The following FRMD3 variants were observed in gnomAD, a reference collection of about 807,000 sequenced individuals.
FRMD3 encodes FERM domain containing 3, also known as FERM domain-containing protein 3.
FRMD3 carries 33 observed loss-of-function variants against 70.2 expected under a neutral mutation model. The ratio of observed to expected loss-of-function variants is 0.47; its 90% CI spans 0.36 to 0.63. The LOEUF is 0.63. FRMD3 is among the 20% of genes least tolerant of loss of function. The pLI is 0.00. For missense variants in FRMD3, 632 were observed against 711.4 expected (o/e 0.89, Z 1.27); for synonymous variants, 279 against 255.9 (o/e 1.09, Z -0.86).
rs1355938072 is a variant in FRMD3, at chr9:83,390,554, TA to T, written c.148-847del. Among the ~76,000 whole-genome samples, 3 of 152,286 alleles carry T rather than the reference TA, an allele frequency of 2.0e-5. No homozygotes were observed. The East Asian group carries it at 5.8e-4, about 29-fold the overall frequency. ...AAACCCCTAGCTGTTTCTACTTCGG[TA>T]AAATAAGGTGGTTGGACTAGATTAT... On this transcript the variant is annotated intron_variant, in intron 1 of 13. Coordinates refer to ENST00000304195, the MANE Select transcript of FRMD3 (RefSeq NM_174938.6).
In FRMD3 at chr9:83,536,930, T is replaced by TAAAAAAAAAAAAAAAAAAAAA. The variant is rs142272516; in HGVS notation, c.147+1134_147+1154dup. Among the ~76,000 whole-genome samples, 53 of 60,886 alleles carry TAAAAAAAAAAAAAAAAAAAAA rather than the reference T, an allele frequency of 8.7e-4. 6 individuals are homozygous for TAAAAAAAAAAAAAAAAAAAAA. The highest frequency in any genetic ancestry group is 1.9e-3 in the South Asian group (3 of 1,544). The allele number at this position is 60,886 out of a possible 152,430, so 39.9% of individuals were successfully genotyped here. On this transcript the variant is annotated intron_variant, in intron 1 of 13. Coordinates refer to ENST00000304195, the MANE Select transcript of FRMD3 (RefSeq NM_174938.6). ...ATGGGTGGTGTGCCCTGTATTACAC[T>TAAAAAAAAAAAAAAAAAAAAA]AAAAAAAAAAAAAAAAAAAAAAAGC...
At chr9:83,531,807 T>C (rs1829797046) in intron 1 of FRMD3, among the ~76,000 whole-genome samples, 1 of 152,204 alleles carries the variant, frequency 6.6e-6, no homozygotes, top group Non-Finnish European at 1.5e-5. Flanking sequence ...TGGGTGATAT[T>C]TGAACATTTA....
At chr9:83,402,639 T>C (rs1401021911) in intron 1 of FRMD3, among the ~76,000 whole-genome samples, 1 of 152,130 alleles carries the variant, frequency 6.6e-6, no homozygotes, top group Non-Finnish European at 1.5e-5. Flanking sequence ...AAGGAGATTA[T>C]ATACATGCAG....
At chr9:83,287,780 T>C (rs1354404641) in intron 13 of FRMD3, among the ~76,000 whole-genome samples, 1 of 152,210 alleles carries the variant, frequency 6.6e-6, no homozygotes. Flanking sequence ...AAGGCACTGA[T>C]ATCCAGTAGG....
At chr9:83,393,658 G>A (rs138174950) in intron 1 of FRMD3, among the ~76,000 whole-genome samples, 150 of 152,166 alleles carry the variant, frequency 9.9e-4, no homozygotes, top group Non-Finnish European at 2.0e-3. Flanking sequence ...TAAGGAGTGT[G>A]CAGCCTAGAT....
intron 1 of FRMD3, among the ~76,000 whole-genome samples, chr9:83,452,491 G>GC (rs913782912): frequency 6.6e-6 from 1 of 151,576 alleles, no homozygotes; most frequent in Non-Finnish European, 1.5e-5. Flanking sequence ...TGTTGTTGTT[G>GC]TTTTTTTTGA....
chr9:83,416,567 C>T (rs1826447628), intron 1 of FRMD3, among the ~76,000 whole-genome samples: 1 of 152,184 alleles, frequency 6.6e-6, no homozygotes, highest in Non-Finnish European at 1.5e-5. Flanking sequence ...GGGCTTGGCA[C>T]CTAATAGGCT....
chr9:83,564,560 T>G, the FRMD3 span, among the ~76,000 whole-genome samples: 1 of 152,210 alleles, frequency 6.6e-6, no homozygotes, highest in African/African-American at 2.4e-5. Context: ...ATCAAAAAAC[T>G]GAGTCCGTTA....
chr9:83,317,044 T>A (rs892647562), intron 6 of FRMD3, among the ~76,000 whole-genome samples: 7 of 151,616 alleles, frequency 4.6e-5, no homozygotes, highest in South Asian at 2.1e-4. Context: ...TCTAAAAAAA[T>A]TTTTTTTTAA....
chr9:83,261,990 G>A (rs1281520444), intron 13 of FRMD3, among the ~76,000 whole-genome samples: 7 of 152,206 alleles, frequency 4.6e-5, no homozygotes, highest in South Asian at 2.1e-4. Flanking sequence ...CCTGACACTG[G>A]TAAGCACTCA....
intron 1 of FRMD3, among the ~76,000 whole-genome samples, chr9:83,488,445 C>G (rs1169223575): frequency 6.6e-6 from 1 of 152,114 alleles, no homozygotes; most frequent in Non-Finnish European, 1.5e-5. Flanking sequence ...GAAAATTGAT[C>G]AACAGTGAAA....
At chr9:83,444,013 CTTTT>C (rs1400060251) in intron 1 of FRMD3, among the ~76,000 whole-genome samples, 15 of 152,196 alleles carry the variant, frequency 9.9e-5, no homozygotes, top group Admixed American at 2.0e-4. Flanking sequence ...AATTATATTT[CTTTT>C]ATTTTTGCTT....
intron 13 of FRMD3, among the ~76,000 whole-genome samples, chr9:83,251,053 T>A (rs1832392128): frequency 6.6e-6 from 1 of 152,204 alleles, no homozygotes; most frequent in African/African-American, 2.4e-5. Context: ...CCAGTCCTAC[T>A]GACTGAGTGG....
At chr9:83,340,813 A>G (rs1823730112) in intron 5 of FRMD3, among the ~76,000 whole-genome samples, 1 of 152,114 alleles carries the variant, frequency 6.6e-6, no homozygotes, top group Admixed American at 6.5e-5. Context: ...CCAGGCTAGT[A>G]TCAAACTCCT....
intron 3 of FRMD3, among the ~76,000 whole-genome samples, chr9:83,351,541 A>C (rs1386368828): frequency 1.3e-5 from 2 of 152,172 alleles, no homozygotes; most frequent in African/African-American, 4.8e-5. Flanking sequence ...AAAATACATC[A>C]TTCATCTTTA....
At position 83,275,144 on chromosome 9, in the gene FRMD3, G is replaced by A. The variant is rs78983075; in HGVS notation, c.1195+15459C>T. On this transcript the variant is annotated intron_variant, in intron 13 of 13. Coordinates refer to ENST00000304195, the MANE Select transcript of FRMD3 (RefSeq NM_174938.6). ...CCCTCCAGGTGGAGGTGTCCAATAA[G>A]CAGCTGAAAGCACAGAGCAGTAGCA... Among the ~76,000 whole-genome samples, 1,073 of 152,284 alleles carry A rather than the reference G, an allele frequency of 7.0e-3. 10 individuals carry two copies. Among genetic ancestry groups the A allele is most frequent in the African/African-American group, 0.025 (1,029 of 41,556 alleles).
chr9:83,429,101 G>A (rs943847010), intron 1 of FRMD3, among the ~76,000 whole-genome samples: 1 of 152,200 alleles, frequency 6.6e-6, no homozygotes, highest in Non-Finnish European at 1.5e-5. Flanking sequence ...TATAATTCAT[G>A]AGAATTAACG....
chr9:83,530,894 C>T (rs1829779302), intron 1 of FRMD3, among the ~76,000 whole-genome samples: 1 of 152,128 alleles, frequency 6.6e-6, no homozygotes, highest in African/African-American at 2.4e-5. Context: ...CAGAACATCA[C>T]CACAGGGGAA....
Position 83,246,650 on chromosome 9 carries a change from C to T in FRMD3, c.*1268G>A, listed in dbSNP as rs887328276. 4.2e-6 allele frequency: 4 copies of T among 957,344 alleles called. No individual in the cohort carries two copies. In the African/African-American group the frequency reaches 8.9e-5, roughly 21 times the overall value. 59.3% of individuals were successfully genotyped at this position (957,344 alleles called of 1,614,324 possible). The stretch of plus-strand genomic sequence containing the variant: ...TCAAAAAGCCATTCATATTCTCTCT[C>T]TCTCTCTCTCTCTCTCTCTCACACA... On this transcript the variant is annotated 3_prime_UTR_variant, in exon 14 of 14. Transcript: ENST00000304195.
Sources: allele counts gnomAD v4.1 joint callset (sites outside exome capture counted in the v4.1 genomes callset), GRCh38; gene constraint gnomAD v4.1.1; transcripts MANE v1.5; gene names NCBI Gene and HGNC (gene_info 2026-07-23, HGNC 2026-07-21).